The following LINGO1 variants were observed in gnomAD, a reference collection of about 807,000 sequenced individuals.
The protein encoded by LINGO1 is leucine rich repeat and Ig domain containing 1.
A neutral mutation model predicts 37.3 loss-of-function variants in LINGO1; 11 were observed. The ratio of observed to expected loss-of-function variants is 0.29; its 90% CI spans 0.19 to 0.49. The LOEUF (loss-of-function observed/expected upper bound fraction) is 0.49. LINGO1 is among the 20% of genes least tolerant of loss of function. The probability of loss-of-function intolerance (pLI) is 0.99; values close to 1 mark genes in which losing one functional copy is unlikely to be tolerated. For synonymous variants in LINGO1, 387 were observed against 403.0 expected (o/e 0.96, Z 0.48); for missense variants, 585 against 878.2 (o/e 0.67, Z 4.22).
At chr15:77,651,187 CTGTT>C (rs2074751677) in intron 3 of LINGO1, 1 of 152,310 alleles carries the variant, frequency 6.6e-6, no homozygotes, top group East Asian at 1.9e-4. Flanking sequence ...AGCTTGCTGT[CTGTT>C]TCACTGCTGT....
intron 3 of LINGO1, among the ~76,000 whole-genome samples, chr15:77,656,339 G>T (rs1287973814): frequency 2.0e-5 from 3 of 152,004 alleles, no homozygotes; most frequent in Non-Finnish European, 4.4e-5. Context: ...CTCCCTCCTT[G>T]TCTTTTTCCA....
intron 2 of LINGO1, among the ~76,000 whole-genome samples, chr15:77,720,345 C>G (rs1433766194): frequency 1.3e-5 from 2 of 152,262 alleles, no homozygotes; most frequent in Non-Finnish European, 1.5e-5. Flanking sequence ...TGGCCAGTCC[C>G]GCCGCCCGCC....
chr15:77,809,995 G>A (rs946716081), intron 1 of LINGO1, among the ~76,000 whole-genome samples: 2 of 152,000 alleles, frequency 1.3e-5, no homozygotes, highest in Non-Finnish European at 2.9e-5. Context: ...CACTCTGGCT[G>A]CCTTTCTCCC....
intron 2 of LINGO1, among the ~76,000 whole-genome samples, chr15:77,727,726 GTT>G (rs34255197): frequency 3.5e-4 from 52 of 147,324 alleles, no homozygotes; most frequent in African/African-American, 5.5e-4. Flanking sequence ...CATTTTATAT[GTT>G]TTTTTTTTAC....
intron 2 of LINGO1, among the ~76,000 whole-genome samples, chr15:77,726,130 C>A (rs1347571136): frequency 6.6e-6 from 1 of 152,216 alleles, no homozygotes; most frequent in Non-Finnish European, 1.5e-5. Flanking sequence ...TAAGCTGCCC[C>A]ACTGAGACCT....
At chr15:77,808,692 A>T (rs888493457) in intron 1 of LINGO1, among the ~76,000 whole-genome samples, 2 of 152,280 alleles carry the variant, frequency 1.3e-5, no homozygotes, top group African/African-American at 4.8e-5. Context: ...TAGCTGCGTG[A>T]TCTCCACCAA....
At chr15:77,692,623 C>G (rs1313889490) in intron 1 of LINGO1, among the ~76,000 whole-genome samples, 1 of 152,248 alleles carries the variant, frequency 6.6e-6, no homozygotes, top group African/African-American at 2.4e-5. Flanking sequence ...AGCAGCAAAA[C>G]TCATGTCCCT....
intron 1 of LINGO1, among the ~76,000 whole-genome samples, chr15:77,747,162 C>G (rs1002471957): frequency 6.6e-6 from 1 of 152,212 alleles, no homozygotes; most frequent in African/African-American, 2.4e-5. Context: ...GACTGCTCCT[C>G]CAGAGCTCCA....
chr15:77,664,170 T>TGTGTGTGTGTGTGTGTGTGTGTGCGC, intron 3 of LINGO1, among the ~76,000 whole-genome samples: 5 of 130,940 alleles, frequency 3.8e-5, no homozygotes, highest in African/African-American at 1.8e-4. Flanking sequence ...TGTGTGTGTG[T>TGTGTGTGTGTGTGTGTGTGTGTGCGC]GCGCGCGCGC....
intron 1 of LINGO1, among the ~76,000 whole-genome samples, chr15:77,629,786 G>C (rs552817947): frequency 4.0e-4 from 61 of 152,286 alleles, no homozygotes; most frequent in African/African-American, 1.4e-3. Context: ...GAGCCGAGCA[G>C]GCAGCTTGGC....
At chr15:77,719,785 C>CAA (rs1293015652) in intron 2 of LINGO1, among the ~76,000 whole-genome samples, 1 of 106,684 alleles carries the variant, frequency 9.4e-6, no homozygotes, top group Non-Finnish European at 2.2e-5. Flanking sequence ...TACACAAACT[C>CAA]ACATTCACAC....
At chr15:77,643,736 C>A (rs1288982241) in intron 3 of LINGO1, among the ~76,000 whole-genome samples, 1 of 152,220 alleles carries the variant, frequency 6.6e-6, no homozygotes, top group Non-Finnish European at 1.5e-5. Flanking sequence ...CAGCCCTGGC[C>A]CAGGGGCAGC....
At chr15:77,780,779 AC>A (rs2076708868) in intron 1 of LINGO1, among the ~76,000 whole-genome samples, 2 of 144,804 alleles carry the variant, frequency 1.4e-5, no homozygotes, top group African/African-American at 2.6e-5. Flanking sequence ...TCCTCCCCCC[AC>A]CCCCACCATG....
At chr15:77,759,304 G>A (rs2076451206) in intron 1 of LINGO1, among the ~76,000 whole-genome samples, 1 of 152,222 alleles carries the variant, frequency 6.6e-6, no homozygotes, top group Non-Finnish European at 1.5e-5. Context: ...GAACTGGCAT[G>A]GAGGAGCGGT....
upstream of LINGO1, among the ~76,000 whole-genome samples, chr15:77,699,774 T>TCTGCACACAGTAAACACATACTAACCA (rs2075757887): frequency 1.1e-4 from 1 of 9,074 alleles, no homozygotes; most frequent in Admixed American, 9.2e-4. Flanking sequence ...CTAACCATCA[T>TCTGCACACAGTAAACACATACTAACCA]TCCCCCCCTC....
chr15:77,810,254 AC>A (rs2076993515), intron 1 of LINGO1, among the ~76,000 whole-genome samples: 1 of 114,116 alleles, frequency 8.8e-6, no homozygotes, highest in Non-Finnish European at 2.2e-5. Context: ...ACACACGCAT[AC>A]ACATGCACAC....
At chr15:77,808,306 C>T (rs558304212) in intron 1 of LINGO1, among the ~76,000 whole-genome samples, 7 of 152,172 alleles carry the variant, frequency 4.6e-5, no homozygotes, top group African/African-American at 9.6e-5. Context: ...TGAGAAGCCA[C>T]GGTCAGTTTC....
intron 1 of LINGO1, among the ~76,000 whole-genome samples, chr15:77,768,423 G>C (rs1282600388): frequency 6.6e-6 from 1 of 152,200 alleles, no homozygotes; most frequent in Non-Finnish European, 1.5e-5. Flanking sequence ...CCCAGGCACT[G>C]GGGACAAGAC....
intron 3 of LINGO1, among the ~76,000 whole-genome samples, chr15:77,653,793 G>A (rs1279794351): frequency 6.7e-6 from 1 of 149,952 alleles, no homozygotes; most frequent in East Asian, 1.9e-4. Context: ...GAAAGGAAGA[G>A]GGGTTGGATC....
Sources: allele counts gnomAD v4.1 joint callset (sites outside exome capture counted in the v4.1 genomes callset), GRCh38; gene constraint gnomAD v4.1.1; transcripts MANE v1.5; gene names NCBI Gene and HGNC (gene_info 2026-07-23, HGNC 2026-07-21).